The following RNGTT variants were observed in gnomAD, a reference collection of about 807,000 sequenced individuals.
The protein encoded by RNGTT is mRNA-capping enzyme.
RNGTT carries 33 observed loss-of-function variants against 79.3 expected under a neutral mutation model. That is an observed-to-expected ratio of 0.42 (90% CI 0.32 to 0.56). The LOEUF is 0.56. RNGTT is among the 20% of genes least tolerant of loss of function. RNGTT has a pLI of 0.17. For missense variants in RNGTT, 497 were observed against 739.1 expected, an observed-to-expected ratio of 0.67 and a Z score of 3.80; for synonymous variants, 222 against 235.9, an observed-to-expected ratio of 0.94 and a Z score of 0.54.
intron 12 of RNGTT, among the ~76,000 whole-genome samples, chr6:88,778,664 T>C (rs1778968781): frequency 6.6e-6 from 1 of 152,106 alleles, no homozygotes; most frequent in Non-Finnish European, 1.5e-5. Context: ...CTCAAACAGA[T>C]TTTTATAAAT....
chr6:88,909,394 C>T (rs952487557), intron 4 of RNGTT, among the ~76,000 whole-genome samples: 1 of 152,190 alleles, frequency 6.6e-6, no homozygotes, highest in Non-Finnish European at 1.5e-5. Flanking sequence ...ACTTCCCTGC[C>T]TGAGGATCTA....
intron 4 of RNGTT, among the ~76,000 whole-genome samples, chr6:88,911,917 T>C (rs1463835497): frequency 1.3e-5 from 2 of 150,622 alleles, no homozygotes; most frequent in Non-Finnish European, 1.5e-5. Context: ...AAGACTCCTG[T>C]CTCTACAAAA....
chr6:88,755,392 T>G (rs1393389987), intron 13 of RNGTT, among the ~76,000 whole-genome samples: 1 of 151,552 alleles, frequency 6.6e-6, no homozygotes, highest in Admixed American at 6.6e-5. Context: ...CAAAACAAGA[T>G]CCAAACAAAA....
intron 11 of RNGTT, among the ~76,000 whole-genome samples, chr6:88,815,009 T>C (rs1024213584): frequency 4.6e-5 from 7 of 152,202 alleles, no homozygotes; most frequent in African/African-American, 1.4e-4. Flanking sequence ...CCAGGGGATA[T>C]CCTCCTTGAT....
At chr6:88,931,115 A>G (rs939751838) in intron 2 of RNGTT, among the ~76,000 whole-genome samples, 1 of 151,806 alleles carries the variant, frequency 6.6e-6, no homozygotes, top group Non-Finnish European at 1.5e-5. Flanking sequence ...GTGCTAAAAA[A>G]GATTCAGATT....
chr6:88,811,953 A>G (rs1375691136), intron 11 of RNGTT, among the ~76,000 whole-genome samples: 1 of 152,148 alleles, frequency 6.6e-6, no homozygotes, highest in African/African-American at 2.4e-5. Context: ...ACTCCCCTGG[A>G]TACTAATCTT....
At chr6:88,672,175 C>T (rs938295281) in intron 14 of RNGTT, among the ~76,000 whole-genome samples, 2 of 151,240 alleles carry the variant, frequency 1.3e-5, no homozygotes, top group African/African-American at 4.9e-5. Context: ...TAACAGACAA[C>T]CCACAGAGTA....
chr6:88,670,703 G>T (rs116169235), intron 14 of RNGTT, among the ~76,000 whole-genome samples: 1 of 152,156 alleles, frequency 6.6e-6, no homozygotes, highest in African/African-American at 2.4e-5. Flanking sequence ...GAAACTTTCT[G>T]TTCTGTTCTG....
At chr6:88,854,150 G>A (rs758881898) in intron 8 of RNGTT, among the ~76,000 whole-genome samples, 10 of 151,794 alleles carry the variant, frequency 6.6e-5, no homozygotes, top group Middle Eastern at 3.4e-3. Flanking sequence ...TGTTGGTCGC[G>A]AACTCCTGGC....
At chr6:88,647,405 T>C (rs1773608263) in intron 14 of RNGTT, among the ~76,000 whole-genome samples, 1 of 152,156 alleles carries the variant, frequency 6.6e-6, no homozygotes, top group African/African-American at 2.4e-5. Context: ...TGCAATGATC[T>C]GATTTCTCTT....
chr6:88,705,952 G>A (rs564672440), intron 13 of RNGTT, among the ~76,000 whole-genome samples: 1 of 131,984 alleles, frequency 7.6e-6, no homozygotes, highest in African/African-American at 4.2e-5. Context: ...GTGATTATAT[G>A]TGAATTATTT....
intron 2 of RNGTT, among the ~76,000 whole-genome samples, chr6:88,938,909 T>A (rs1438232777): frequency 1.3e-5 from 2 of 152,204 alleles, no homozygotes; most frequent in African/African-American, 4.8e-5. Flanking sequence ...CCTTGGGTGG[T>A]AGGCGTTTTC....
At chr6:88,694,217 CA>C (rs1005632250) in intron 13 of RNGTT, among the ~76,000 whole-genome samples, 18 of 151,882 alleles carry the variant, frequency 1.2e-4, no homozygotes, top group Admixed American at 3.3e-4. Context: ...CAAACAAAAA[CA>C]AAAACAAAAA....
At chr6:88,754,261 A>G (rs1777935076) in intron 13 of RNGTT, among the ~76,000 whole-genome samples, 1 of 152,182 alleles carries the variant, frequency 6.6e-6, no homozygotes, top group African/African-American at 2.4e-5. Context: ...CCCTAAAGAC[A>G]AAGATTGGAA....
intron 13 of RNGTT, among the ~76,000 whole-genome samples, chr6:88,755,134 A>G (rs1433546418): frequency 2.6e-5 from 4 of 152,210 alleles, no homozygotes; most frequent in Non-Finnish European, 5.9e-5. Context: ...CAAGAATTCT[A>G]TATCCAGGTA....
At chr6:88,853,256 C>T (rs935810627) in intron 9 of RNGTT, among the ~76,000 whole-genome samples, 3 of 152,098 alleles carry the variant, frequency 2.0e-5, no homozygotes, top group Admixed American at 2.0e-4. Context: ...GCCTGTAATC[C>T]CAGCACTCTG....
intron 9 of RNGTT, among the ~76,000 whole-genome samples, chr6:88,852,595 G>A (rs769606860): frequency 1.3e-5 from 2 of 151,638 alleles, no homozygotes; most frequent in African/African-American, 2.4e-5. Context: ...ATTAGAAAGT[G>A]GTATTTTGTT....
intron 13 of RNGTT, among the ~76,000 whole-genome samples, chr6:88,694,841 C>G (rs1775605014): frequency 4.6e-5 from 7 of 152,092 alleles, no homozygotes; most frequent in Admixed American, 2.0e-4. Context: ...CCTCTCTCTC[C>G]TCCCTTCCAC....
intron 6 of RNGTT, among the ~76,000 whole-genome samples, 190 bp from the exon 7 acceptor site, chr6:88,892,105 A>G (rs1783069613): frequency 6.6e-6 from 1 of 152,020 alleles, no homozygotes; most frequent in South Asian, 2.1e-4. Flanking sequence ...TAAATCCAGC[A>G]CATGGTTTTC....
Sources: allele counts gnomAD v4.1 joint callset (sites outside exome capture counted in the v4.1 genomes callset), GRCh38; gene constraint gnomAD v4.1.1; transcripts MANE v1.5; gene names NCBI Gene and HGNC (gene_info 2026-07-23, HGNC 2026-07-21).